The following PAN3 variants were observed in gnomAD, a reference collection of about 807,000 sequenced individuals.
PAN3 encodes poly(A) specific ribonuclease subunit PAN3.
Under a neutral mutation model 96.2 loss-of-function variants are expected in PAN3, and 19 were observed. The observed-to-expected ratio is 0.20, with a 90% CI of 0.14 to 0.29. The LOEUF is 0.29. PAN3 is among the 10% of genes least tolerant of loss of function. The pLI, the probability that PAN3 is intolerant of heterozygous loss-of-function variation, is 1.00. For missense variants in PAN3, 882 were observed against 1,108.1 expected, an observed-to-expected ratio of 0.80 and a Z score of 2.90; for synonymous variants, 433 against 406.6, an observed-to-expected ratio of 1.06 and a Z score of -0.78.
intron 1 of PAN3, among the ~76,000 whole-genome samples, chr13:28,168,330 A>G (rs1566152706): frequency 6.6e-6 from 1 of 152,202 alleles, no homozygotes. Context: ...CATCATTGGC[A>G]CTCAAAAAGT....
chr13:28,266,173 G>GTT (rs1886155364), intron 9 of PAN3, among the ~76,000 whole-genome samples: 1 of 151,956 alleles, frequency 6.6e-6, no homozygotes, highest in Non-Finnish European at 1.5e-5. Flanking sequence ...GGTTACCATT[G>GTT]TTACCATCTG....
chr13:28,264,835 G>T (rs564549239), intron 9 of PAN3, among the ~76,000 whole-genome samples: 13 of 152,296 alleles, frequency 8.5e-5, no homozygotes, highest in African/African-American at 3.1e-4. Flanking sequence ...ATGGGGCCCA[G>T]CAAACTATAT....
intron 6 of PAN3, among the ~76,000 whole-genome samples, chr13:28,234,207 T>A (rs917246749): frequency 2.6e-5 from 4 of 152,128 alleles, no homozygotes; most frequent in Admixed American, 2.6e-4. Flanking sequence ...TTGTTGTTGT[T>A]ATTTTAAGAG....
chr13:28,277,251 A>G lies in PAN3; in HGVS notation c.2064A>G (p.Ile688Met). ...TTTCATGTCAGCAAGCAGATCTGAT[A>G]TCATTAGGAAAAGTTGTGTTGGCTT... ...LMAQYQQADL[I>M]SLGKVVLALA... The change falls in exon 15 of 19, where the codon ATA becomes ATG. Residue 688 changes from isoleucine to methionine, a missense_variant. By Grantham distance (10) the Ile-to-Met change is conservative (BLOSUM62 1). Transcript: ENST00000380958. 6.2e-7 allele frequency: 1 copy of G among 1,610,696 alleles called. No homozygotes were observed. Among genetic ancestry groups the G allele is most frequent in the Non-Finnish European group, 8.5e-7 (1 of 1,178,930 alleles).
chr13:28,240,538 A>G (rs921259487), intron 6 of PAN3, among the ~76,000 whole-genome samples: 7 of 152,210 alleles, frequency 4.6e-5, no homozygotes, highest in African/African-American at 1.7e-4. Context: ...TTACCTAGCC[A>G]GTATTTGAGT....
chr13:28,244,689 C>A (rs1884009169), intron 6 of PAN3, among the ~76,000 whole-genome samples: 1 of 151,930 alleles, frequency 6.6e-6, no homozygotes. Context: ...TTATGGCCCA[C>A]TTTTATCTTG....
At chr13:28,233,872 T>C in intron 6 of PAN3, among the ~76,000 whole-genome samples, 1 of 152,232 alleles carries the variant, frequency 6.6e-6, no homozygotes, top group Non-Finnish European at 1.5e-5. Flanking sequence ...TTCTGTTTTA[T>C]TGCATTAACA....
chr13:28,277,499 T>C (rs1026588003), intron 15 of PAN3, 123 bp downstream of exon 15: 21 of 947,964 alleles, frequency 2.2e-5, no homozygotes, highest in Non-Finnish European at 3.1e-5. Flanking sequence ...AAACTTTATG[T>C]CTTTATTTTT....
At chr13:28,221,103 T>C (rs985610541) in intron 6 of PAN3, among the ~76,000 whole-genome samples, 2 of 152,108 alleles carry the variant, frequency 1.3e-5, no homozygotes, top group South Asian at 2.1e-4. Flanking sequence ...TTCATGCAGA[T>C]TTTGCATCTG....
intron 6 of PAN3, among the ~76,000 whole-genome samples, chr13:28,226,185 C>T (rs186079373): frequency 1.3e-5 from 2 of 152,116 alleles, no homozygotes; most frequent in Non-Finnish European, 1.5e-5. Flanking sequence ...ACTCCATAAG[C>T]GATTGCTTTA....
chr13:28,157,558 A>G (rs1872354305), intron 1 of PAN3, among the ~76,000 whole-genome samples: 2 of 152,194 alleles, frequency 1.3e-5, no homozygotes, highest in Admixed American at 1.3e-4. Context: ...ATATCTATAC[A>G]CCAACAGCAT....
At chr13:28,215,322 G>T (rs908013878) in intron 5 of PAN3, 27 of 738,446 alleles carry the variant, frequency 3.7e-5, no homozygotes, top group Admixed American at 3.4e-4. Context: ...AGTGGAGACT[G>T]GTGTTCTCAA....
In PAN3 at chr13:28,288,027, C is replaced by T. The variant is rs1869207057; in HGVS notation, c.2428C>T (p.Leu810=). The T allele has an allele frequency of 6.2e-7, 1 of 1,613,484 alleles. No individual in the cohort carries two copies. The highest frequency in any genetic ancestry group is 8.5e-7 in the Non-Finnish European group (1 of 1,179,660). ...PTWSETGDRY[L]LKLFRDHLFH... ...TTGGTCAGAGACTGGAGACCGTTAT[C>T]TGTTGAAACTCTTTAGGGATCATCT... The change falls in exon 18 of 19, where the codon CTG becomes TTG. Residue 810 remains leucine (L), a synonymous_variant. Coordinates refer to ENST00000380958, the MANE Select transcript of PAN3 (RefSeq NM_175854.8).
chr13:28,157,182 C>G (rs574829771), intron 1 of PAN3, among the ~76,000 whole-genome samples: 6 of 151,968 alleles, frequency 3.9e-5, no homozygotes, highest in Non-Finnish European at 8.8e-5. Flanking sequence ...AACATCCCTT[C>G]ATGTTAAAAA....
At chr13:28,255,578 G>A (rs1885072312) in intron 6 of PAN3, among the ~76,000 whole-genome samples, 1 of 152,042 alleles carries the variant, frequency 6.6e-6, no homozygotes, top group East Asian at 1.9e-4. Context: ...CTGGAACATA[G>A]TGGTTGTTCC....
rs536507550 is a variant in PAN3 at position 28,159,924 on chromosome 13, G to GT, written c.431-14336dup. 4.2e-3 allele frequency among the ~76,000 whole-genome samples: 611 copies of GT among 145,766 alleles called. 6 individuals carry two copies. In the East Asian group the frequency reaches 0.055, roughly 13 times the overall value. ...TATACCCCTGAAACTGAAATAAAAG[G>GT]TTTTTTTTTTTTAATATTTATTTTT... On this transcript the variant is annotated intron_variant, in intron 1 of 18. Coordinates refer to ENST00000380958, the MANE Select transcript of PAN3 (RefSeq NM_175854.8).
chr13:28,185,451 T>C (rs979492402), intron 4 of PAN3, among the ~76,000 whole-genome samples: 2 of 152,222 alleles, frequency 1.3e-5, no homozygotes, highest in African/African-American at 4.8e-5. Flanking sequence ...GGTTCAACCA[T>C]GTACTTCCTG....
intron 15 of PAN3, among the ~76,000 whole-genome samples, chr13:28,278,474 A>G (rs775286022): frequency 7.2e-5 from 11 of 152,226 alleles, no homozygotes; most frequent in Non-Finnish European, 1.0e-4. Context: ...GAGGACAAAA[A>G]TAATCAGCCA....
At chr13:28,266,649 C>A (rs1167786043) in intron 9 of PAN3, 66 bp from the exon 10 acceptor site, 9 of 1,274,730 alleles carry the variant, frequency 7.1e-6, no homozygotes, top group Non-Finnish European at 8.5e-6. Context: ...ATCATGTCTT[C>A]TGTATTTTTG....
Sources: gnomAD v4.1 joint callset for allele counts (sites outside exome capture counted in the v4.1 genomes callset) on GRCh38, gnomAD v4.1.1 for gene constraint, MANE v1.5 for transcripts, NCBI Gene and HGNC (gene_info 2026-07-23, HGNC 2026-07-21) for gene names.